The following RBM47 variants were observed in gnomAD, a reference collection of about 807,000 sequenced individuals.
RBM47 encodes the protein RNA-binding protein 47.
RBM47 carries 21 observed loss-of-function variants against 47.1 expected under a neutral mutation model. The observed-to-expected ratio is 0.45, with a 90% CI of 0.32 to 0.64. RBM47 has a LOEUF of 0.64. RBM47 is among the 30% of genes least tolerant of loss of function. The pLI is 0.05. For missense variants in RBM47, 708 were observed against 870.9 expected (o/e 0.81, Z 2.35); for synonymous variants, 375 against 361.7 (o/e 1.04, Z -0.42).
intron 2 of RBM47, among the ~76,000 whole-genome samples, chr4:40,510,785 T>C (rs1271286408): frequency 2.0e-5 from 3 of 151,952 alleles, no homozygotes; most frequent in African/African-American, 4.8e-5. Flanking sequence ...TAAGAGTCAA[T>C]AGGGGGACGG....
At chr4:40,573,827 G>GAAAGAAAGAAAGA (rs1560479095) in intron 1 of RBM47, among the ~76,000 whole-genome samples, 2 of 151,352 alleles carry the variant, frequency 1.3e-5, no homozygotes, top group Non-Finnish European at 2.9e-5. Context: ...AAGAAAGAAA[G>GAAAGAAAGAAAGA]AAAGAAAGAG....
intron 3 of RBM47, among the ~76,000 whole-genome samples, chr4:40,440,969 A>G (rs529609370): frequency 6.6e-6 from 1 of 152,314 alleles, no homozygotes; most frequent in East Asian, 1.9e-4. Context: ...CTTTAAAAAT[A>G]TCTGTTACAC....
Position 40,426,138 on chromosome 4 carries a change from G to A in RBM47, c.1548C>T (p.Arg516=), listed in dbSNP as rs763049569. 3 of 1,613,854 alleles carry A rather than the reference G, an allele frequency of 1.9e-6. No homozygotes were observed. The highest frequency in any genetic ancestry group is 3.3e-5 in the Admixed American group (2 of 59,990). The change falls in exon 7 of 7, where the codon CGC becomes CGT. Residue 516 remains arginine, a synonymous_variant. Transcript: ENST00000295971. ...CCACCGTGTATACTGGAGTTATTGG[G>A]CGGCCCTGAGGAGAAGAGACAAAAA... ...TVSTPPPFQG[R]PITPVYTVAP...
chr4:40,595,968 T>C lies in RBM47; in HGVS notation c.-240+33428A>G, dbSNP rs1388493984. Among the ~76,000 whole-genome samples, 6 of 152,016 alleles carry C rather than the reference T, an allele frequency of 3.9e-5. 1 individual carries two copies. Among genetic ancestry groups the C allele is most frequent in the African/African-American group, 1.2e-4 (5 of 41,440 alleles). On this transcript the variant is annotated intron_variant, in intron 1 of 6. Transcript: ENST00000295971. ...ATTACTTTTTGCTGGTCTTCATGTA[T>C]CTATCTGCAGCCAGTGTGGACGCAG...
intron 1 of RBM47, among the ~76,000 whole-genome samples, chr4:40,576,244 T>G (rs1353812529): frequency 5.0e-5 from 2 of 39,970 alleles, no homozygotes; most frequent in East Asian, 4.0e-4. Flanking sequence ...TTTTCTGTTT[T>G]TTTTTTTTTT....
At chr4:40,437,535 A>G (rs1454468897) in intron 4 of RBM47, among the ~76,000 whole-genome samples, 1 of 152,164 alleles carries the variant, frequency 6.6e-6, no homozygotes, top group African/African-American at 2.4e-5. Flanking sequence ...CAGCACTTGC[A>G]TATTCCTGTG....
At chr4:40,622,510 T>C (rs545889631) in intron 1 of RBM47, among the ~76,000 whole-genome samples, 17 of 152,134 alleles carry the variant, frequency 1.1e-4, no homozygotes, top group Non-Finnish European at 1.3e-4. Flanking sequence ...ATAAAGTCAT[T>C]CACTGGCTTT....
At chr4:40,435,376 C>A (rs1170372585) in intron 5 of RBM47, among the ~76,000 whole-genome samples, 1 of 152,048 alleles carries the variant, frequency 6.6e-6, no homozygotes, top group African/African-American at 2.4e-5. Flanking sequence ...TGGTGAAACC[C>A]CATCTCTACT....
intron 2 of RBM47, among the ~76,000 whole-genome samples, chr4:40,526,081 T>C (rs1473201677): frequency 6.6e-6 from 1 of 152,154 alleles, no homozygotes; most frequent in Non-Finnish European, 1.5e-5. Flanking sequence ...CTCACAGCTC[T>C]CCCCCTTCAT....
intron 2 of RBM47, among the ~76,000 whole-genome samples, chr4:40,536,483 A>T (rs1727994258): frequency 6.6e-6 from 1 of 152,184 alleles, no homozygotes; most frequent in African/African-American, 2.4e-5. Flanking sequence ...AGCATTAAAT[A>T]CCATCCTACA....
At chr4:40,526,947 TGTA>T (rs1453929637) in intron 2 of RBM47, among the ~76,000 whole-genome samples, 2 of 151,984 alleles carry the variant, frequency 1.3e-5, no homozygotes, top group African/African-American at 4.8e-5. Flanking sequence ...GACTGCTGCA[TGTA>T]GTGAGACTAA....
intron 3 of RBM47, among the ~76,000 whole-genome samples, chr4:40,457,376 T>C (rs1716432096): frequency 7.1e-6 from 1 of 140,572 alleles, no homozygotes; most frequent in Non-Finnish European, 1.5e-5. Context: ...TGAGCCAAGA[T>C]AGTGCCACTG....
At chr4:40,438,977 T>C in intron 3 of RBM47, 53 bp from the exon 4 acceptor site, 1 of 1,411,004 alleles carries the variant, frequency 7.1e-7, no homozygotes, top group Non-Finnish European at 9.3e-7. Flanking sequence ...TTGCCTCTTT[T>C]GGGTTGTGTT....
chr4:40,502,846 G>A lies in RBM47; in HGVS notation c.-154-36147C>T, dbSNP rs1029604356. Among the ~76,000 whole-genome samples the A allele has an allele frequency of 2.6e-5, 4 of 151,372 alleles. No homozygotes were observed. In the East Asian group the frequency reaches 5.8e-4, roughly 22 times the overall value. On this transcript the variant is annotated intron_variant, in intron 2 of 6. Transcript: ENST00000295971. The stretch of plus-strand genomic sequence containing the variant: ...GGGTTGAGAGAGCAAAACCCTGTCC[G>A]AAAAAAAAGACGGCTGGGCGTGGTG...
At chr4:40,581,446 A>AAATAAAT (rs1732927221) in intron 1 of RBM47, among the ~76,000 whole-genome samples, 1 of 148,558 alleles carries the variant, frequency 6.7e-6, no homozygotes, top group African/African-American at 2.5e-5. Flanking sequence ...ATAAATAAAT[A>AAATAAAT]AATAAATAAA....
intron 1 of RBM47, among the ~76,000 whole-genome samples, chr4:40,598,069 T>C (rs1734915798): frequency 6.6e-6 from 1 of 152,186 alleles, no homozygotes; most frequent in African/African-American, 2.4e-5. Context: ...GAAAATTCTT[T>C]AGTGTATTAT....
intron 2 of RBM47, chr4:40,492,092 G>A (rs1721956764): frequency 3.2e-5 from 1 of 30,788 alleles, no homozygotes. Flanking sequence ...AAAAAGGCTA[G>A]GCACGGTGGC....
intron 1 of RBM47, among the ~76,000 whole-genome samples, chr4:40,553,069 G>C (rs1296211435): frequency 1.3e-5 from 2 of 150,466 alleles, no homozygotes; most frequent in Non-Finnish European, 3.0e-5. Context: ...CCGGGTTCAA[G>C]TGATTCTCCT....
At chr4:40,437,295 AAAG>A (rs1712800397) in intron 4 of RBM47, among the ~76,000 whole-genome samples, 1 of 151,196 alleles carries the variant, frequency 6.6e-6, no homozygotes, top group Non-Finnish European at 1.5e-5. Context: ...GTGACTAACT[AAAG>A]TCACAGACCC....
Sources: gnomAD v4.1 joint callset for allele counts (sites outside exome capture counted in the v4.1 genomes callset) on GRCh38, gnomAD v4.1.1 for gene constraint, MANE v1.5 for transcripts, NCBI Gene and HGNC (gene_info 2026-07-23, HGNC 2026-07-21) for gene names.